The following IFT56 variants were observed in gnomAD, a reference collection of about 807,000 sequenced individuals.
IFT56 encodes the protein intraflagellar transport protein 56.
the IFT56 span, chr7:139,134,643 T>A: frequency 6.3e-7 from 1 of 1,599,402 alleles, no homozygotes; most frequent in Admixed American, 1.8e-5. Flanking sequence ...GCTGTCTTTG[T>A]TTCTTTTACA....
chr7:139,178,587 G>A, the IFT56 span: 1 of 1,614,076 alleles, frequency 6.2e-7, no homozygotes, highest in Non-Finnish European at 8.5e-7. Flanking sequence ...CAATACCAGT[G>A]AGGGCGAAGA....
the IFT56 span, chr7:139,172,469 G>A: frequency 7.6e-6 from 3 of 395,800 alleles, no homozygotes; most frequent in Non-Finnish European, 1.5e-5. Flanking sequence ...AACCCAGAGC[G>A]CTGAGCTAGA....
chr7:139,151,924 G>A, the IFT56 span, among the ~76,000 whole-genome samples: 1 of 152,130 alleles, frequency 6.6e-6, no homozygotes, highest in African/African-American at 2.4e-5. Context: ...AGCTGGGCAT[G>A]GTGGCACATG....
chr7:139,146,746 G>A, the IFT56 span, among the ~76,000 whole-genome samples: 2 of 131,492 alleles, frequency 1.5e-5, no homozygotes, highest in East Asian at 4.5e-4. Context: ...CAGCCTGGGG[G>A]ACAGGGCAAG....
chr7:139,188,105 CTT>C, the IFT56 span, among the ~76,000 whole-genome samples: 5 of 126,584 alleles, frequency 3.9e-5, no homozygotes, highest in Non-Finnish European at 7.0e-5. Flanking sequence ...TTCTTTCTTT[CTT>C]TTTTTTTTTT....
At chr7:139,183,784 C>T in the IFT56 span, among the ~76,000 whole-genome samples, 3 of 151,878 alleles carry the variant, frequency 2.0e-5, no homozygotes, top group Non-Finnish European at 4.4e-5. Context: ...TAAATGAAAA[C>T]CTATATCCAC....
the IFT56 span, among the ~76,000 whole-genome samples, chr7:139,139,476 A>G: frequency 1.3e-5 from 2 of 152,246 alleles, no homozygotes; most frequent in African/African-American, 2.4e-5. Flanking sequence ...CTCAATGCCA[A>G]AAAAGCCAGA....
chr7:139,190,610 C>G, the IFT56 span: 1 of 152,046 alleles, frequency 6.6e-6, no homozygotes. Flanking sequence ...ATTAATGTAA[C>G]GATAATAAAA....
At chr7:139,148,057 G>T in the IFT56 span, 1 of 626,806 alleles carries the variant, frequency 1.6e-6, no homozygotes. Flanking sequence ...AATGCAAAAA[G>T]AAAAAAATTA....
At chr7:139,178,000 G>T in the IFT56 span, among the ~76,000 whole-genome samples, 4 of 152,086 alleles carry the variant, frequency 2.6e-5, no homozygotes, top group East Asian at 7.7e-4. Flanking sequence ...TGGACTCTGG[G>T]AGTTAATCCC....
chr7:139,174,743 G>A, the IFT56 span, among the ~76,000 whole-genome samples: 162 of 152,226 alleles, frequency 1.1e-3, no homozygotes, highest in East Asian at 0.02. Context: ...TACAAGGCCC[G>A]GGTGCCGTGG....
At chr7:139,187,314 C>T in the IFT56 span, 4 of 1,461,438 alleles carry the variant, frequency 2.7e-6, no homozygotes, top group Non-Finnish European at 3.7e-6. Context: ...GCACTTATTT[C>T]ATACAGTCCC....
At chr7:139,168,518 T>C in the IFT56 span, 7 of 716,114 alleles carry the variant, frequency 9.8e-6, no homozygotes, top group Non-Finnish European at 1.5e-5. Context: ...TATTTCTCCA[T>C]ATCCCCCAAT....
chr7:139,157,313 A>G, the IFT56 span, among the ~76,000 whole-genome samples: 2 of 150,748 alleles, frequency 1.3e-5, no homozygotes, highest in Admixed American at 1.3e-4. Context: ...CACCCTGCTA[A>G]TCTTTGGATT....
the IFT56 span, among the ~76,000 whole-genome samples, chr7:139,142,823 CTG>C: frequency 6.6e-6 from 1 of 152,186 alleles, no homozygotes; most frequent in Middle Eastern, 3.4e-3. Flanking sequence ...CAGCACGAGA[CTG>C]TGTCTCAAAA....
chr7:139,187,316 T>C, the IFT56 span: 1 of 1,483,250 alleles, frequency 6.7e-7, no homozygotes, highest in South Asian at 1.3e-5. Context: ...ACTTATTTCA[T>C]ACAGTCCCGT....
chr7:139,191,531 G>A, the IFT56 span: 17 of 152,132 alleles, frequency 1.1e-4, no homozygotes, highest in African/African-American at 3.1e-4. Context: ...TTTCAAATGA[G>A]CTTGTGTTGA....
chr7:139,137,104 C>T, the IFT56 span, among the ~76,000 whole-genome samples: 1 of 152,068 alleles, frequency 6.6e-6, no homozygotes, highest in Non-Finnish European at 1.5e-5. Context: ...TATGTGTTGG[C>T]TCACTATTTG....
the IFT56 span, chr7:139,160,984 T>C: frequency 6.2e-7 from 1 of 1,613,750 alleles, no homozygotes; most frequent in African/African-American, 1.3e-5. Context: ...TGCTTCTTCA[T>C]CCTTTGAATT....
Sources: gnomAD v4.1 joint callset for allele counts (sites outside exome capture counted in the v4.1 genomes callset) on GRCh38, gnomAD v4.1.1 for gene constraint, MANE v1.5 for transcripts, NCBI Gene and HGNC (gene_info 2026-07-23, HGNC 2026-07-21) for gene names.